The following FOXP1 variants were observed in gnomAD, a reference collection of about 807,000 sequenced individuals.
The protein encoded by FOXP1 is forkhead box protein P1.
In FOXP1, 15 loss-of-function variants were observed where a neutral mutation model predicts 98.2. The observed-to-expected ratio is 0.15, with a 90% confidence interval of 0.10 to 0.24. The LOEUF is 0.24. Among genes scored for constraint, FOXP1 ranks in the 10% least tolerant of loss-of-function variants. FOXP1 has a pLI of 1.00. For synonymous variants in FOXP1, 371 were observed against 314.5 expected (o/e 1.18, Z -1.90); for missense variants, 633 against 848.5 (o/e 0.75, Z 3.15).
At chr3:71,053,547 T>C in intron 8 of FOXP1, 89 bp downstream of exon 8, 1 of 1,523,244 alleles carries the variant, frequency 6.6e-7, no homozygotes, top group Non-Finnish European at 9.1e-7. Flanking sequence ...GCAAAGGAGC[T>C]GCTCTGGTGG....
intron 7 of FOXP1, among the ~76,000 whole-genome samples, chr3:71,070,734 G>T (rs528317511): frequency 5.3e-5 from 8 of 152,224 alleles, no homozygotes; most frequent in African/African-American, 1.7e-4. Context: ...AGCGTGCTGG[G>T]GTTTAACAGT....
intron 7 of FOXP1, among the ~76,000 whole-genome samples, chr3:71,088,928 C>T (rs1195803692): frequency 6.6e-6 from 1 of 152,220 alleles, no homozygotes; most frequent in Admixed American, 6.5e-5. Flanking sequence ...GTGAATAATA[C>T]TTTGGCCAAT....
chr3:70,972,050 TTGCGAGGACGGCCTCGTTG>T (rs1474942326), intron 18 of FOXP1: 1 of 1,498,174 alleles, frequency 6.7e-7, no homozygotes, highest in South Asian at 1.3e-5. Flanking sequence ...GGGGCAGTAT[TTGCGAGGACGGCCTCGTTG>T]AATATGGCGG....
chr3:71,232,396 A>C (rs2066362117), intron 5 of FOXP1, among the ~76,000 whole-genome samples: 1 of 152,138 alleles, frequency 6.6e-6, no homozygotes, highest in South Asian at 2.1e-4. Flanking sequence ...CAGAGAGGAG[A>C]AGCAGCACTA....
intron 2 of FOXP1, among the ~76,000 whole-genome samples, chr3:71,564,976 G>A (rs769231362): frequency 4.6e-5 from 7 of 152,124 alleles, no homozygotes; most frequent in African/African-American, 1.7e-4. Context: ...TTAGCAGGGC[G>A]TGGTGGTACA....
chr3:71,377,587 C>A (rs2079818007), intron 3 of FOXP1, among the ~76,000 whole-genome samples: 1 of 152,090 alleles, frequency 6.6e-6, no homozygotes, highest in Non-Finnish European at 1.5e-5. Context: ...GTAGCTAAAC[C>A]AGAATTTGAA....
chr3:71,426,637 C>T (rs1403639311), intron 3 of FOXP1, among the ~76,000 whole-genome samples: 1 of 152,212 alleles, frequency 6.6e-6, no homozygotes, highest in African/African-American at 2.4e-5. Flanking sequence ...ACCTCAAGGT[C>T]TCCTCTGCCT....
At chr3:71,356,324 G>A (rs996773182) in intron 4 of FOXP1, among the ~76,000 whole-genome samples, 2 of 151,970 alleles carry the variant, frequency 1.3e-5, no homozygotes, top group African/African-American at 4.8e-5. Flanking sequence ...TACAGCAGCT[G>A]TATACATAGC....
chr3:71,035,393 T>C (rs192619676), intron 11 of FOXP1, among the ~76,000 whole-genome samples: 63 of 152,332 alleles, frequency 4.1e-4, no homozygotes, highest in Non-Finnish European at 7.6e-4. Flanking sequence ...AATGGTCAGA[T>C]AGTAAATATT....
intron 5 of FOXP1, among the ~76,000 whole-genome samples, chr3:71,251,582 G>A (rs1459381365): frequency 6.6e-6 from 1 of 152,150 alleles, no homozygotes; most frequent in Non-Finnish European, 1.5e-5. Flanking sequence ...CACCATGTGT[G>A]GGGTGGGAAA....
intron 3 of FOXP1, among the ~76,000 whole-genome samples, chr3:71,429,874 C>G (rs1206551431): frequency 6.6e-6 from 1 of 152,128 alleles, no homozygotes; most frequent in Non-Finnish European, 1.5e-5. Flanking sequence ...GTGGTTTATT[C>G]CTCACTCTAA....
chr3:70,974,615 C>T (rs2037105077), intron 17 of FOXP1, among the ~76,000 whole-genome samples: 1 of 152,090 alleles, frequency 6.6e-6, no homozygotes, highest in African/African-American at 2.4e-5. Context: ...AATATATTGC[C>T]CAAAGGCATA....
At chr3:71,175,610 A>G (rs1450244441) in intron 6 of FOXP1, among the ~76,000 whole-genome samples, 3 of 152,334 alleles carry the variant, frequency 2.0e-5, no homozygotes, top group Non-Finnish European at 2.9e-5. Context: ...ATGGTGACCA[A>G]CTAAGATGTT....
At chr3:71,544,022 TATACAC>T (rs2045132998) in intron 2 of FOXP1, among the ~76,000 whole-genome samples, 3 of 145,706 alleles carry the variant, frequency 2.1e-5, no homozygotes, top group Non-Finnish European at 3.0e-5. Context: ...TATACACACA[TATACAC>T]ACATATACAC....
chr3:71,389,345 C>A (rs1373581576), intron 3 of FOXP1, among the ~76,000 whole-genome samples: 1 of 150,258 alleles, frequency 6.7e-6, no homozygotes, highest in Non-Finnish European at 1.5e-5. Context: ...CAAAGGCCTG[C>A]ATCACTTTCA....
intron 7 of FOXP1, among the ~76,000 whole-genome samples, chr3:71,064,407 A>G (rs1353124111): frequency 1.3e-5 from 2 of 152,190 alleles, no homozygotes; most frequent in Non-Finnish European, 2.9e-5. Context: ...GGGCTTCACC[A>G]AAGTGGCTGC....
chr3:71,458,792 T>C (rs2087742722), intron 3 of FOXP1, among the ~76,000 whole-genome samples: 1 of 152,244 alleles, frequency 6.6e-6, no homozygotes, highest in Non-Finnish European at 1.5e-5. Flanking sequence ...ACAGGTATAA[T>C]TATTTTGACA....
intron 6 of FOXP1, among the ~76,000 whole-genome samples, chr3:71,140,148 G>T (rs1363305227): frequency 2.0e-5 from 3 of 152,108 alleles, no homozygotes; most frequent in Non-Finnish European, 4.4e-5. Flanking sequence ...TGGGATCAAT[G>T]ATTTCAGATT....
intron 3 of FOXP1, among the ~76,000 whole-genome samples, chr3:71,413,692 T>C (rs978657749): frequency 2.0e-5 from 3 of 152,166 alleles, no homozygotes; most frequent in Admixed American, 6.5e-5. Context: ...TTCCATGATA[T>C]ATTTTCAAGG....
Sources: gnomAD v4.1 joint callset for allele counts (sites outside exome capture counted in the v4.1 genomes callset) on GRCh38, gnomAD v4.1.1 for gene constraint, MANE v1.5 for transcripts, NCBI Gene and HGNC (gene_info 2026-07-23, HGNC 2026-07-21) for gene names.